KHNYN: variants seen among roughly 807,000 people sequenced by gnomAD.
KHNYN encodes KH and NYN domain containing.
Under a neutral mutation model 62.7 loss-of-function variants are expected in KHNYN, and 42 were observed. The ratio of observed to expected loss-of-function variants is 0.67; its 90% CI spans 0.52 to 0.87. KHNYN has a LOEUF of 0.87. KHNYN is among the 40% of genes least tolerant of loss of function. The pLI, the probability that KHNYN is intolerant of heterozygous loss-of-function variation, is 0.00. For synonymous variants in KHNYN, 347 were observed against 345.6 expected (o/e 1.00, Z -0.04); for missense variants, 829 against 874.1 (o/e 0.95, Z 0.65).
rs1340786751 is a variant in KHNYN at position 24,430,775 on chromosome 14, G to C, written c.45G>C (p.Ala15=). ...GARPASPDRF[A]VSAEAENKVR... ...GCCCCGCGTCCCCAGATCGCTTTGC[G>C]GTGTCTGCGGAGGCTGAGAACAAGG... Residue 15 remains alanine (A), a synonymous_variant, in exon 2 of 8, where the codon GCG becomes GCC. Transcript: ENST00000553935. 8 of 1,596,972 alleles carry C rather than the reference G, an allele frequency of 5.0e-6. No homozygotes were observed. The highest frequency in any genetic ancestry group is 4.6e-5 in the East Asian group (2 of 43,832).
rs1235124823 is a variant in KHNYN, at chr14:24,439,391, C to G, written c.*2106C>G. 3.3e-5 allele frequency: 5 copies of G among 152,152 alleles called. No homozygotes were observed. Among genetic ancestry groups the G allele is most frequent in the African/African-American group, 1.2e-4 (5 of 41,386 alleles). The allele number at this position is 152,152 out of a possible 1,614,324, so 9.4% of individuals were successfully genotyped here. On this transcript the variant is annotated 3_prime_UTR_variant, in exon 8 of 8. Transcript: ENST00000553935. ...GGATGTTGACTTTGTTCTGCTGCAG[C>G]CTGATAAACTGGGACCACTGTGTGG...
Position 24,437,406 on chromosome 14 carries a change from A to G in KHNYN, c.*121A>G. 8.0e-7 allele frequency: 1 copy of G among 1,253,518 alleles called. No homozygotes were observed. 77.6% of individuals were successfully genotyped at this position (1,253,518 alleles called of 1,614,324 possible). A position where few individuals can be genotyped will look rare whatever the true frequency, so the allele number is the denominator to read the frequency against. On this transcript the variant is annotated 3_prime_UTR_variant, in exon 8 of 8. Coordinates refer to ENST00000553935, the MANE Select transcript of KHNYN (RefSeq NM_015299.3). The surrounding 1 kb of genome is among the most constrained non-coding windows in gnomAD (Gnocchi z 5.5). ...GAGGCACCCTGAGTTGGTGCTTTGGATCAGGGAAGCCACTTTGGGACAGGT... is the reference window on the plus strand; with the variant it reads ...GAGGCACCCTGAGTTGGTGCTTTGGGTCAGGGAAGCCACTTTGGGACAGGT...
intron 2 of KHNYN, 52 bp downstream of exon 2, chr14:24,430,983 A>G: frequency 1.3e-6 from 2 of 1,530,648 alleles, no homozygotes; most frequent in East Asian, 2.3e-5. Flanking sequence ...GCTTTCCCCC[A>G]GGGCGGAGGA....
In KHNYN at chr14:24,431,894, G is replaced by A. The variant is rs746243114; in HGVS notation, c.633G>A (p.Gly211=). Residue 211 remains glycine, a synonymous_variant, in exon 3 of 8, where the codon GGG becomes GGA. Coordinates refer to ENST00000553935, the MANE Select transcript of KHNYN (RefSeq NM_015299.3). ...CAGGAGCACTGGCTTCTTGGGAGGG[G>A]CGGAGCTCAGCCTTGCTGGGTGCTC... ...QGPGALASWE[G]RSSALLGAQC... is the part of the protein sequence containing the mutation. The A allele has an allele frequency of 1.2e-6, 2 of 1,614,042 alleles. No homozygotes were observed. The highest frequency in any genetic ancestry group is 2.2e-5 in the South Asian group (2 of 91,088).
Position 24,430,755 on chromosome 14 carries a change from G to C in KHNYN, c.25G>C (p.Ala9Pro). 1 of 1,578,190 alleles carries C rather than the reference G, an allele frequency of 6.3e-7. No individual in the cohort carries two copies. The highest frequency in any genetic ancestry group is 8.6e-7 in the Non-Finnish European group (1 of 1,161,942). Residue 9 changes from alanine to proline, a missense_variant, in exon 2 of 8, where the codon GCG (alanine) becomes CCG (proline). Physicochemically the swap from Ala to Pro is conservative, Grantham distance 27. Around this residue, in one of 2 missense-constraint regions of KHNYN, gnomAD observed 559 missense variants for 527.0 expected, o/e 1.06. Coordinates refer to ENST00000553935, the MANE Select transcript of KHNYN (RefSeq NM_015299.3). MPTWGARP[A>P]SPDRFAVSAE... ...CATGCCTACCTGGGGGGCCCGCCCC[G>C]CGTCCCCAGATCGCTTTGCGGTGTC...
rs200986176 is a variant in KHNYN at position 24,431,697 on chromosome 14, T to G, written c.436T>G (p.Phe146Val). 9 of 1,614,072 alleles carry G rather than the reference T, an allele frequency of 5.6e-6. No homozygotes were observed. In the East Asian group the frequency reaches 1.8e-4, roughly 32 times the overall value. ...EELAERLSWD[F>V]TPGPSSGASQ... is the part of the protein sequence containing the mutation. The stretch of plus-strand genomic sequence containing the variant: ...GCTGGCAGAGCGGCTGAGCTGGGAC[T>G]TCACGCCAGGACCATCTTCCGGAGC... The change falls in exon 3 of 8, where the codon TTC becomes GTC. Residue 146 changes from phenylalanine to valine, a missense_variant. By Grantham distance (50) the Phe-to-Val change is conservative. This residue lies in a region of KHNYN where 559 missense variants were observed against 527.0 expected (regional missense o/e 1.06). Coordinates refer to ENST00000553935, the MANE Select transcript of KHNYN (RefSeq NM_015299.3).
chr14:24,431,193 T>C (rs974049667), intron 2 of KHNYN, among the ~76,000 whole-genome samples: 8 of 152,356 alleles, frequency 5.3e-5, no homozygotes, highest in African/African-American at 1.9e-4. Context: ...AATAGAGATA[T>C]CTGGCTGAAC....
upstream of KHNYN, chr14:24,428,107 G>GCTCC (rs2043040922): frequency 7.5e-7 from 1 of 1,335,502 alleles, no homozygotes; most frequent in Non-Finnish European, 1.0e-6. Flanking sequence ...GGGCTGAGGG[G>GCTCC]CGGCCAGCAT....
intron 1 of KHNYN, 143 bp downstream of exon 1, chr14:24,430,262 C>A: frequency 1.3e-6 from 1 of 769,612 alleles, no homozygotes; most frequent in Non-Finnish European, 1.6e-6. Context: ...TGCTCCTGGC[C>A]CGACGGAGAG....
In KHNYN at chr14:24,432,997, C is replaced by A. The variant is rs775174862; in HGVS notation, c.1542C>A (p.Val514=). 6.2e-7 allele frequency: 1 copy of A among 1,614,164 alleles called. No individual in the cohort carries two copies. The highest frequency in any genetic ancestry group is 8.5e-7 in the Non-Finnish European group (1 of 1,180,000). Residue 514 remains valine (V), a synonymous_variant, in exon 5 of 8, where the codon GTC becomes GTA. Transcript: ENST00000553935. This position sits in a 1 kb window ranked among gnomAD's most constrained non-coding sequence, Gnocchi z 5.6. ...LSLLSLTPSR[V]MDGKRISSYD... ...TGCTCTCCCTCACACCCTCACGAGT[C>A]ATGGATGGCAAGAGGATCTCCTCCT... is the stretch of plus-strand genomic sequence containing the variant.
intron 2 of KHNYN, 40 bp from the exon 3 acceptor site, chr14:24,431,423 G>T: frequency 6.6e-7 from 1 of 1,513,056 alleles, no homozygotes; most frequent in Non-Finnish European, 8.9e-7. Context: ...ATCTGGGCCA[G>T]TTAGTTTACT....
rs887836485 is a variant in KHNYN at position 24,430,042 on chromosome 14, C to G, written c.-95C>G. 1 of 985,458 alleles carries G rather than the reference C, an allele frequency of 1.0e-6. No homozygotes were observed. Among genetic ancestry groups the G allele is most frequent in the African/African-American group, 1.7e-5 (1 of 57,228 alleles). The allele number at this position is 985,458 out of a possible 1,614,324, so 61.0% of individuals were successfully genotyped here. ...AGATTCGGGCCCCCTGCCCTTGTCC[C>G]CTGGGCTGGGGGCGCGGGCAAAGCG... On this transcript the variant is annotated 5_prime_UTR_variant, in exon 1 of 8. Transcript: ENST00000553935.
chr14:24,430,347 A>C, intron 1 of KHNYN: 1 of 787,124 alleles, frequency 1.3e-6, no homozygotes. Flanking sequence ...CCCAGAGGAC[A>C]GCCTAGTTCA....
chr14:24,440,558 G>A lies in KHNYN; in HGVS notation c.*3273G>A, dbSNP rs2043301826. 1 of 1,515,142 alleles carries A rather than the reference G, an allele frequency of 6.6e-7. No homozygotes were observed. The highest frequency in any genetic ancestry group is 9.0e-7 in the Non-Finnish European group (1 of 1,114,526). 93.9% of individuals were successfully genotyped at this position (1,515,142 alleles called of 1,614,324 possible). A position where few individuals can be genotyped will look rare whatever the true frequency, so the allele number is the denominator to read the frequency against. Reference sequence around the variant, plus strand: ...CTTGAAGGAGCCCACTGCTCCTCCTGGTTTCTGTTTCCCCTTCCTCACTCT... The same window carrying A: ...CTTGAAGGAGCCCACTGCTCCTCCTAGTTTCTGTTTCCCCTTCCTCACTCT... On this transcript the variant is annotated 3_prime_UTR_variant, in exon 8 of 8. Transcript: ENST00000553935.
rs1176862081 is a variant in KHNYN, at chr14:24,433,014, TCTC to T, written c.1565_1567del (p.Ser522del). On this transcript the variant is annotated inframe_deletion, in exon 5 of 8. Coordinates refer to ENST00000553935, the MANE Select transcript of KHNYN (RefSeq NM_015299.3). The stretch of plus-strand genomic sequence containing the variant: ...TCACGAGTCATGGATGGCAAGAGGA[TCTC>T]CTCCTATGATGACAGGTACTTGCTC... The T allele has an allele frequency of 6.2e-7, 1 of 1,614,070 alleles. No individual in the cohort carries two copies.
chr14:24,440,672 T>G lies in KHNYN; in HGVS notation c.*3387T>G, dbSNP rs1035520081. The G allele has an allele frequency of 1.4e-5, 20 of 1,435,722 alleles. No individual in the cohort carries two copies. The African/African-American group carries it at 2.4e-4, about 17-fold the overall frequency. The allele number at this position is 1,435,722 out of a possible 1,614,324, so 88.9% of individuals were successfully genotyped here. On this transcript the variant is annotated 3_prime_UTR_variant, in exon 8 of 8. Transcript: ENST00000553935. ...TTCTCATCTGCAGGTTGGCTAGAAG[T>G]GGTGGCATCCTCTCACTCTGTAATT... is the stretch of plus-strand genomic sequence containing the variant.
Position 24,441,204 on chromosome 14 carries a change from A to T in KHNYN, c.*3919A>T, listed in dbSNP as rs902812941. On this transcript the variant is annotated 3_prime_UTR_variant, in exon 8 of 8. Transcript: ENST00000553935. The stretch of plus-strand genomic sequence containing the variant: ...CGCCTGAATTTTAATCAGCTCCCTC[A>T]TTTATTAACTCTCTGACTTGATGCA... 1.5e-5 allele frequency: 8 copies of T among 529,476 alleles called. No individual in the cohort carries two copies. In the Admixed American group the frequency reaches 1.9e-4, roughly 13 times the overall value. The allele number at this position is 529,476 out of a possible 1,614,324, so 32.8% of individuals were successfully genotyped here.
Position 24,431,701 on chromosome 14 carries a change from C to T in KHNYN, c.440C>T (p.Thr147Met), listed in dbSNP as rs748674049. ...ELAERLSWDF[T>M]PGPSSGASQC... ...GCAGAGCGGCTGAGCTGGGACTTCA[C>T]GCCAGGACCATCTTCCGGAGCCTCT... Residue 147 changes from threonine to methionine, a missense_variant, in exon 3 of 8, where the codon ACG becomes ATG. Transcript: ENST00000553935. 47 of 1,614,060 alleles carry T rather than the reference C, an allele frequency of 2.9e-5. No homozygotes were observed. The highest frequency in any genetic ancestry group is 3.7e-5 in the Non-Finnish European group (44 of 1,180,038).
At chr14:24,423,532 A>G in the KHNYN span, among the ~76,000 whole-genome samples, 1 of 151,994 alleles carries the variant, frequency 6.6e-6, no homozygotes, top group African/African-American at 2.4e-5. Context: ...CTGTGTTCTC[A>G]GTGAGGTGGA....
Sources: gnomAD v4.1 joint callset for allele counts (sites outside exome capture counted in the v4.1 genomes callset) on GRCh38, gnomAD v4.1.1 for gene constraint, gnomAD v4.1.1 regional missense constraint, Gnocchi (gnomAD v3.1) non-coding constraint, MANE v1.5 for transcripts, NCBI Gene and HGNC (gene_info 2026-07-23, HGNC 2026-07-21) for gene names.